Variants in NR2C2 observed in about 807,000 individuals in gnomAD.
NR2C2 encodes nuclear receptor subfamily 2 group C member 2.
A neutral mutation model predicts 62.9 loss-of-function variants in NR2C2; 6 were observed. That is an observed-to-expected ratio of 0.10 (90% CI 0.05 to 0.19). The LOEUF is 0.19. Among genes scored for constraint, NR2C2 ranks in the 10% least tolerant of loss-of-function variants. The pLI is 1.00. For synonymous variants in NR2C2, 272 were observed against 273.8 expected (o/e 0.99, Z 0.07); for missense variants, 479 against 762.7 (o/e 0.63, Z 4.38).
intron 1 of NR2C2, among the ~76,000 whole-genome samples, chr3:14,997,733 GA>G (rs953897652): frequency 1.2e-4 from 18 of 150,892 alleles, no homozygotes; most frequent in East Asian, 3.9e-4. Context: ...GCTTATGAAA[GA>G]AAAAAAAATT....
intron 1 of NR2C2, among the ~76,000 whole-genome samples, chr3:14,951,097 T>C (rs910918102): frequency 7.9e-5 from 12 of 152,326 alleles, no homozygotes; most frequent in East Asian, 1.9e-4. Context: ...ACATAACTTA[T>C]GTTATTTACT....
At chr3:15,029,159 G>A (rs902514565) in intron 8 of NR2C2, among the ~76,000 whole-genome samples, 37 of 148,438 alleles carry the variant, frequency 2.5e-4, no homozygotes, top group Non-Finnish European at 7.4e-5. Flanking sequence ...TGCCTAGGCT[G>A]GTCTAGAACT....
At chr3:14,979,562 A>AT (rs2040303285) in intron 1 of NR2C2, among the ~76,000 whole-genome samples, 1 of 152,210 alleles carries the variant, frequency 6.6e-6, no homozygotes, top group East Asian at 1.9e-4. Context: ...ATTCAGGGAG[A>AT]TTTTTTTCTG....
At chr3:15,030,178 C>T in intron 8 of NR2C2, 97 bp from the exon 9 acceptor site, 1 of 1,024,726 alleles carries the variant, frequency 9.8e-7, no homozygotes, top group South Asian at 1.5e-5. Context: ...ATTTAATTAT[C>T]TTTTCCCACT....
chr3:14,987,577 A>G (rs959131040), intron 1 of NR2C2, among the ~76,000 whole-genome samples: 1 of 152,148 alleles, frequency 6.6e-6, no homozygotes, highest in Non-Finnish European at 1.5e-5. Context: ...AAAAATAGTC[A>G]TTTCCACCTC....
chr3:14,982,105 C>T (rs996065624), intron 1 of NR2C2, among the ~76,000 whole-genome samples: 14 of 152,166 alleles, frequency 9.2e-5, no homozygotes, highest in African/African-American at 1.9e-4. Flanking sequence ...ATCACACTGT[C>T]GCCCAGGCTA....
Position 15,044,866 on chromosome 3 carries a change from T to C in NR2C2, c.*1858T>C, listed in dbSNP as rs985902597. On this transcript the variant is annotated 3_prime_UTR_variant, in exon 14 of 14. Transcript: ENST00000425241. Reference sequence around the variant, plus strand: ...GTTAGCAGCACTTTACGCAAGTCAGTGTTAGTAGGGTAAGTGGGAACAGTG... The same window carrying C: ...GTTAGCAGCACTTTACGCAAGTCAGCGTTAGTAGGGTAAGTGGGAACAGTG... 2.0e-5 allele frequency: 3 copies of C among 152,206 alleles called. No homozygotes were observed. The highest frequency in any genetic ancestry group is 2.9e-5 in the Non-Finnish European group (2 of 68,032). 9.4% of individuals were successfully genotyped at this position (152,206 alleles called of 1,614,324 possible). A position where few individuals can be genotyped will look rare whatever the true frequency, so the allele number is the denominator to read the frequency against.
intron 1 of NR2C2, among the ~76,000 whole-genome samples, chr3:14,996,970 T>C (rs188470059): frequency 6.6e-6 from 1 of 152,328 alleles, no homozygotes; most frequent in Non-Finnish European, 1.5e-5. Context: ...TAAAACTTCT[T>C]GCAAATAAAG....
chr3:15,035,386 A>T (rs776191417), intron 11 of NR2C2, among the ~76,000 whole-genome samples: 2 of 152,278 alleles, frequency 1.3e-5, no homozygotes, highest in South Asian at 2.1e-4. Flanking sequence ...AAAAAAATGG[A>T]AAAGGTCAAC....
At chr3:14,953,965 CT>C (rs1274338291) in intron 1 of NR2C2, among the ~76,000 whole-genome samples, 6 of 150,990 alleles carry the variant, frequency 4.0e-5, no homozygotes, top group African/African-American at 1.5e-4. Context: ...GGGCTTCATG[CT>C]GCATTTCCCC....
intron 1 of NR2C2, among the ~76,000 whole-genome samples, chr3:14,953,258 T>G (rs2039422754): frequency 6.6e-6 from 1 of 152,232 alleles, no homozygotes; most frequent in South Asian, 2.1e-4. Context: ...GGTGAAACTT[T>G]CTATTCCATA....
intron 1 of NR2C2, among the ~76,000 whole-genome samples, chr3:14,994,392 C>T (rs1449354709): frequency 6.6e-6 from 1 of 151,670 alleles, no homozygotes; most frequent in Non-Finnish European, 1.5e-5. Context: ...AACTCTACCC[C>T]AGCCCCTTAT....
At chr3:15,023,926 C>G (rs1164303245) in intron 6 of NR2C2, among the ~76,000 whole-genome samples, 189 bp from the exon 7 acceptor site, 1 of 152,168 alleles carries the variant, frequency 6.6e-6, no homozygotes, top group African/African-American at 2.4e-5. Flanking sequence ...GTAAACCTGA[C>G]TTTATGTATA....
chr3:14,985,834 T>C (rs1273610002), intron 1 of NR2C2, among the ~76,000 whole-genome samples: 1 of 152,224 alleles, frequency 6.6e-6, no homozygotes, highest in Non-Finnish European at 1.5e-5. Context: ...GTGATGGACA[T>C]CTTTATATAT....
intron 1 of NR2C2, 98 bp from the exon 2 acceptor site, chr3:15,003,778 C>T: frequency 1.4e-6 from 1 of 714,618 alleles, no homozygotes. Context: ...ACAAGTTCAT[C>T]ACTCCAGGCC....
intron 3 of NR2C2, among the ~76,000 whole-genome samples, chr3:15,014,470 A>T (rs79067610): frequency 0.042 from 6,241 of 149,362 alleles, 446 homozygotes; most frequent in African/African-American, 0.14. Flanking sequence ...GTTGTGTTTC[A>T]TTTTTTTTTT....
At position 15,013,805 on chromosome 3, in the gene NR2C2, A is replaced by G. The variant is rs772412728; in HGVS notation, c.273+16A>G. The G allele has an allele frequency of 3.1e-6, 5 of 1,613,388 alleles. No individual in the cohort carries two copies. The highest frequency in any genetic ancestry group is 4.2e-6 in the Non-Finnish European group (5 of 1,179,454). ...CAGGATCCAGGTAAGGCCTTTGGAC[A>G]GGTATTTGTTTCAGCACTTCTGCTA... On this transcript the variant is annotated intron_variant, in intron 3 of 13. Transcript: ENST00000425241.
At chr3:15,008,134 A>G (rs532941756) in intron 2 of NR2C2, among the ~76,000 whole-genome samples, 72 of 152,290 alleles carry the variant, frequency 4.7e-4, no homozygotes, top group African/African-American at 1.7e-3. Context: ...CTGAGCTTCC[A>G]GTTTGTCAAG....
intron 1 of NR2C2, among the ~76,000 whole-genome samples, chr3:14,969,184 A>G (rs2039960708): frequency 6.6e-6 from 1 of 152,064 alleles, no homozygotes; most frequent in African/African-American, 2.4e-5. Context: ...ATAACTGGAA[A>G]TTTAAAGCAG....
Sources: gnomAD v4.1 joint callset for allele counts (sites outside exome capture counted in the v4.1 genomes callset) on GRCh38, gnomAD v4.1.1 for gene constraint, MANE v1.5 for transcripts, NCBI Gene and HGNC (gene_info 2026-07-23, HGNC 2026-07-21) for gene names.